LPP: variants seen among roughly 807,000 people sequenced by gnomAD.
LPP encodes the protein lipoma-preferred partner.
In LPP, 38 loss-of-function variants were observed where a neutral mutation model predicts 60.4. That is an observed-to-expected ratio of 0.63 (90% CI 0.49 to 0.83). The LOEUF (loss-of-function observed/expected upper bound fraction) is 0.83, where lower values mean the gene tolerates loss of function less well. Among genes scored for constraint, LPP ranks in the 40% least tolerant of loss-of-function variants. The pLI is 0.00. For missense variants in LPP, 902 were observed against 783.6 expected (o/e 1.15, Z -1.80); for synonymous variants, 328 against 290.8 (o/e 1.13, Z -1.30).
chr3:188,354,956 T>C (rs1767114955), intron 3 of LPP, among the ~76,000 whole-genome samples: 1 of 152,186 alleles, frequency 6.6e-6, no homozygotes. Context: ...TCCAGTAGAT[T>C]GGGAGCACCC....
chr3:188,164,291 G>T (rs1382650983), intron 1 of LPP, among the ~76,000 whole-genome samples: 2 of 152,080 alleles, frequency 1.3e-5, no homozygotes, highest in Non-Finnish European at 2.9e-5. Context: ...ACTTTAGCTG[G>T]GTCCCTGAAT....
chr3:188,467,587 A>G (rs1800798431), intron 4 of LPP, among the ~76,000 whole-genome samples: 1 of 152,162 alleles, frequency 6.6e-6, no homozygotes, highest in African/African-American at 2.4e-5. Context: ...AAGGTTGTTA[A>G]TCAGCTAACC....
chr3:188,311,281 T>G (rs1054631738), intron 2 of LPP, among the ~76,000 whole-genome samples: 38 of 152,146 alleles, frequency 2.5e-4, no homozygotes, highest in African/African-American at 8.0e-4. Flanking sequence ...GAGACCAGAC[T>G]GGGCAACATA....
rs548366743 is a variant in LPP, at chr3:188,693,337, A to G, written c.1114-14930A>G. Among the ~76,000 whole-genome samples, 5 of 152,282 alleles carry G rather than the reference A, an allele frequency of 3.3e-5. No homozygotes were observed. The South Asian group carries it at 8.3e-4, about 25-fold the overall frequency. ...GCAGCCAGAGTACTTATTTCATTGT[A>G]TTATTTGAGAAGTGGGAGGACATAG... On this transcript the variant is annotated intron_variant, in intron 7 of 11. Transcript: ENST00000617246.
intron 3 of LPP, among the ~76,000 whole-genome samples, chr3:188,382,663 C>A (rs988415155): frequency 6.6e-6 from 1 of 152,110 alleles, no homozygotes; most frequent in East Asian, 1.9e-4. Context: ...TCCTTCATAC[C>A]TAAGACAGTG....
intron 9 of LPP, among the ~76,000 whole-genome samples, chr3:188,833,456 G>A (rs991494917): frequency 5.9e-5 from 9 of 152,276 alleles, no homozygotes; most frequent in Middle Eastern, 3.4e-3. Flanking sequence ...CAGGTGGAGC[G>A]TTGGATCCTA....
intron 7 of LPP, among the ~76,000 whole-genome samples, chr3:188,630,345 C>G (rs1847638730): frequency 6.6e-6 from 1 of 152,084 alleles, no homozygotes; most frequent in Non-Finnish European, 1.5e-5. Context: ...GTGCAATTAA[C>G]CAACAAGCAT....
chr3:188,868,978 C>A (rs1361130419), intron 10 of LPP, among the ~76,000 whole-genome samples: 1 of 152,208 alleles, frequency 6.6e-6, no homozygotes, highest in Non-Finnish European at 1.5e-5. Context: ...AAGGGCTGAA[C>A]TCCATGAGAC....
chr3:188,475,552 A>T (rs1802937147), intron 4 of LPP, among the ~76,000 whole-genome samples: 1 of 152,182 alleles, frequency 6.6e-6, no homozygotes, highest in Non-Finnish European at 1.5e-5. Flanking sequence ...CCTATATAAA[A>T]TTGGGACCAT....
intron 4 of LPP, chr3:188,472,539 T>G (rs1381580975): frequency 6.6e-6 from 1 of 152,178 alleles, no homozygotes; most frequent in Non-Finnish European, 1.5e-5. Flanking sequence ...TGGCATCATT[T>G]TATATAAATA....
intron 2 of LPP, among the ~76,000 whole-genome samples, chr3:188,265,834 A>T (rs1577686549): frequency 6.7e-6 from 1 of 149,388 alleles, no homozygotes; most frequent in African/African-American, 2.5e-5. Context: ...AGGAGCTGTC[A>T]TGGGCTTTGT....
chr3:188,674,062 A>G (rs1857490054), intron 7 of LPP, among the ~76,000 whole-genome samples: 1 of 151,944 alleles, frequency 6.6e-6, no homozygotes, highest in South Asian at 2.1e-4. Context: ...CAAACACAAT[A>G]CCTTTCTGGA....
intron 2 of LPP, among the ~76,000 whole-genome samples, chr3:188,226,430 G>A (rs904907010): frequency 6.6e-6 from 1 of 152,188 alleles, no homozygotes; most frequent in African/African-American, 2.4e-5. Flanking sequence ...TGCAAATCCT[G>A]TTATGTGCTC....
rs556597923 is a variant in LPP at position 188,384,025 on chromosome 3, G to A, written c.-9-22087G>A. ...CGTTCCTCTCCTTAGAAAGAGATAA[G>A]TATGGTTTCTTTTCTTTAGTTCTTG... On this transcript the variant is annotated intron_variant, in intron 3 of 11. Transcript: ENST00000617246. Among the ~76,000 whole-genome samples, 9 of 152,240 alleles carry A rather than the reference G, an allele frequency of 5.9e-5. No homozygotes were observed. In the East Asian group the frequency reaches 1.5e-3, roughly 26 times the overall value.
chr3:188,298,213 C>T (rs535135159), intron 2 of LPP, among the ~76,000 whole-genome samples: 18 of 152,280 alleles, frequency 1.2e-4, no homozygotes, highest in Admixed American at 9.8e-4. Context: ...ATAGGATCCT[C>T]TTCTCTGGAA....
At position 188,495,082 on chromosome 3, in the gene LPP, A is replaced by ATTT. The variant is rs373434961; in HGVS notation, c.306+10380_306+10382dup. 7.9e-4 allele frequency among the ~76,000 whole-genome samples: 77 copies of ATTT among 97,264 alleles called. 7 individuals carry two copies. The highest frequency in any genetic ancestry group is 2.9e-3 in the African/African-American group (72 of 25,060). 63.8% of individuals were successfully genotyped at this position (97,264 alleles called of 152,430 possible). On this transcript the variant is annotated intron_variant, in intron 5 of 11. Transcript: ENST00000617246. The stretch of plus-strand genomic sequence containing the variant: ...CAGGATTTTATATATATATATATAT[A>ATTT]TTTTATTTATATTTTATTATATATT...
At chr3:188,319,263 C>A (rs1756219880) in intron 2 of LPP, among the ~76,000 whole-genome samples, 1 of 152,094 alleles carries the variant, frequency 6.6e-6, no homozygotes, top group Non-Finnish European at 1.5e-5. Context: ...TTGAAACATC[C>A]AACGGTGGTT....
At chr3:188,873,916 C>G (rs1169209711) in intron 11 of LPP, among the ~76,000 whole-genome samples, 1 of 152,152 alleles carries the variant, frequency 6.6e-6, no homozygotes, top group East Asian at 1.9e-4. Flanking sequence ...CAGAAATGGC[C>G]AAAACATTCC....
chr3:188,285,593 G>T (rs771658753), intron 2 of LPP, among the ~76,000 whole-genome samples: 2 of 152,028 alleles, frequency 1.3e-5, no homozygotes, highest in African/African-American at 4.8e-5. Context: ...GTTGAGATGG[G>T]GTCTCACTAT....
Sources: allele counts gnomAD v4.1 joint callset (sites outside exome capture counted in the v4.1 genomes callset), GRCh38; gene constraint gnomAD v4.1.1; transcripts MANE v1.5; gene names NCBI Gene and HGNC (gene_info 2026-07-23, HGNC 2026-07-21).